The following NAV2 variants were observed in gnomAD, a reference collection of about 807,000 sequenced individuals.
NAV2 encodes helicase, APC down-regulated 1.
In NAV2, 54 loss-of-function variants were observed where a neutral mutation model predicts 223.2. The observed-to-expected ratio is 0.24, with a 90% CI of 0.19 to 0.30. The LOEUF (loss-of-function observed/expected upper bound fraction) is 0.30. NAV2 is among the 10% of genes least tolerant of loss of function. The pLI, the probability that NAV2 is intolerant of heterozygous loss-of-function variation, is 1.00. For synonymous variants in NAV2, 1,279 were observed against 1,239.3 expected (o/e 1.03, Z -0.67); for missense variants, 2,806 against 3,147.5 (o/e 0.89, Z 2.60).
chr11:19,737,997 C>G (rs2052477872), intron 1 of NAV2, among the ~76,000 whole-genome samples: 1 of 152,222 alleles, frequency 6.6e-6, no homozygotes, highest in Non-Finnish European at 1.5e-5. Flanking sequence ...TGTTTGATGT[C>G]CTCGTCTTTT....
At chr11:20,077,489 G>T in intron 22 of NAV2, 63 bp from the exon 23 acceptor site, 2 of 1,308,122 alleles carry the variant, frequency 1.5e-6, no homozygotes, top group South Asian at 1.2e-5. Context: ...TTAAGAGCCA[G>T]ACACCTTCTA....
intron 1 of NAV2, among the ~76,000 whole-genome samples, chr11:19,548,881 A>C (rs868573143): frequency 1.4e-3 from 210 of 151,486 alleles, no homozygotes; most frequent in Middle Eastern, 0.014. Flanking sequence ...CGTCTCAAAA[A>C]AAAAAAAAAA....
At chr11:19,869,056 A>T in intron 4 of NAV2, 59 bp downstream of exon 4, 5 of 1,487,736 alleles carry the variant, frequency 3.4e-6, no homozygotes, top group Non-Finnish European at 3.7e-6. Context: ...CCCACCTGTT[A>T]CTTATGAATG....
At chr11:19,718,118 T>C (rs1016692362) in intron 1 of NAV2, among the ~76,000 whole-genome samples, 3 of 126,090 alleles carry the variant, frequency 2.4e-5, no homozygotes, top group Non-Finnish European at 4.7e-5. Flanking sequence ...CTGAATTACC[T>C]TCCTGGGACT....
At chr11:19,443,773 A>C (rs1195719281) in intron 1 of NAV2, among the ~76,000 whole-genome samples, 1 of 152,180 alleles carries the variant, frequency 6.6e-6, no homozygotes, top group Non-Finnish European at 1.5e-5. Context: ...ACATCTTCTA[A>C]AATGTCAGTT....
intron 22 of NAV2, among the ~76,000 whole-genome samples, chr11:20,076,944 C>T (rs1204462561): frequency 6.6e-6 from 1 of 152,172 alleles, no homozygotes; most frequent in Non-Finnish European, 1.5e-5. Flanking sequence ...GGAAACATTT[C>T]TCTGAGGAGG....
At chr11:19,751,800 G>T (rs2053844989) in intron 1 of NAV2, among the ~76,000 whole-genome samples, 1 of 152,142 alleles carries the variant, frequency 6.6e-6, no homozygotes, top group South Asian at 2.1e-4. Flanking sequence ...GTTCACTGTT[G>T]TAGCTTCAGA....
intron 26 of NAV2, among the ~76,000 whole-genome samples, chr11:20,084,670 G>A (rs1322225435): frequency 6.6e-6 from 1 of 152,120 alleles, no homozygotes; most frequent in Non-Finnish European, 1.5e-5. Context: ...ACAAATTACT[G>A]AGAGAGTGTG....
At chr11:19,443,178 A>C (rs1045108759) in intron 1 of NAV2, among the ~76,000 whole-genome samples, 1 of 152,204 alleles carries the variant, frequency 6.6e-6, no homozygotes, top group African/African-American at 2.4e-5. Context: ...TCCTTGCTAG[A>C]ATCTCTGAGC....
chr11:19,956,617 T>A (rs747200192), intron 10 of NAV2, among the ~76,000 whole-genome samples: 48 of 152,300 alleles, frequency 3.2e-4, no homozygotes, highest in Non-Finnish European at 6.3e-4. Context: ...AACAGCCAGA[T>A]GAAGAGGTGC....
chr11:19,753,323 C>A (rs1379945081), intron 1 of NAV2, among the ~76,000 whole-genome samples: 2 of 152,170 alleles, frequency 1.3e-5, no homozygotes, highest in South Asian at 2.1e-4. Context: ...GCCCTTCCCC[C>A]TCAAGCCTCT....
At chr11:20,083,422 T>C (rs2060216768) in intron 26 of NAV2, among the ~76,000 whole-genome samples, 1 of 152,250 alleles carries the variant, frequency 6.6e-6, no homozygotes, top group Non-Finnish European at 1.5e-5. Flanking sequence ...AGCGGGTTAC[T>C]TAAATTCTCT....
At chr11:19,989,390 A>G (rs952329939) in intron 11 of NAV2, among the ~76,000 whole-genome samples, 13 of 152,150 alleles carry the variant, frequency 8.5e-5, no homozygotes, top group African/African-American at 3.1e-4. Context: ...ATGTAGGGGA[A>G]AAGCCATAGG....
At chr11:19,358,842 T>A (rs991078612) in intron 1 of NAV2, among the ~76,000 whole-genome samples, 18 of 152,142 alleles carry the variant, frequency 1.2e-4, no homozygotes, top group African/African-American at 4.3e-4. Flanking sequence ...TAAGTAAAAA[T>A]CCTTAATGAT....
chr11:19,626,497 C>T (rs749809927), intron 1 of NAV2, among the ~76,000 whole-genome samples: 8 of 152,092 alleles, frequency 5.3e-5, no homozygotes, highest in Non-Finnish European at 1.2e-4. Flanking sequence ...TTCAGGATTA[C>T]TTTGGTTATT....
chr11:19,694,225 A>G (rs1231489335), intron 1 of NAV2, among the ~76,000 whole-genome samples: 1 of 152,210 alleles, frequency 6.6e-6, no homozygotes, highest in African/African-American at 2.4e-5. Context: ...GGTTTCAGGC[A>G]GAGTCCCAGC....
intron 5 of NAV2, chr11:19,884,343 G>C: frequency 6.2e-7 from 1 of 1,613,822 alleles, no homozygotes; most frequent in Non-Finnish European, 8.5e-7. Context: ...CTTCACTCTG[G>C]GTCAGAAAAA....
chr11:19,695,888 A>AATAAAATAAAATAAAATAAAATAAT (rs35289122), intron 1 of NAV2, among the ~76,000 whole-genome samples: 95,198 of 124,540 alleles, frequency 0.76, 35,077 homozygotes, highest in Middle Eastern at 0.83. Context: ...TGGATGAAAT[A>AATAAAATAAAATAAAATAAAATAAT]ATAAAATAAA....
chr11:19,516,149 CTT>C (rs1322518483), intron 1 of NAV2, among the ~76,000 whole-genome samples: 1 of 152,182 alleles, frequency 6.6e-6, no homozygotes, highest in Non-Finnish European at 1.5e-5. Context: ...GACTTAAAGA[CTT>C]GAGATCAAAT....
Sources: allele counts gnomAD v4.1 joint callset (sites outside exome capture counted in the v4.1 genomes callset), GRCh38; gene constraint gnomAD v4.1.1; transcripts MANE v1.5; gene names NCBI Gene and HGNC (gene_info 2026-07-23, HGNC 2026-07-21).